BABAM2: variants seen among roughly 807,000 people sequenced by gnomAD.
The protein encoded by BABAM2 is BRISC and BRCA1-A complex member 2.
BABAM2 carries 31 observed loss-of-function variants against 54.7 expected under a neutral mutation model. The ratio of observed to expected loss-of-function variants is 0.57; its 90% CI spans 0.43 to 0.77. BABAM2 has a LOEUF of 0.77. BABAM2 is among the 30% of genes least tolerant of loss of function. BABAM2 has a pLI of 0.00. For synonymous variants in BABAM2, 167 were observed against 162.9 expected (o/e 1.03, Z -0.19); for missense variants, 364 against 455.8 (o/e 0.80, Z 1.83).
At position 28,027,824 on chromosome 2, in the gene BABAM2, A is replaced by C. The variant is rs540017103; in HGVS notation, c.495+2404A>C. On this transcript the variant is annotated intron_variant, in intron 5 of 11. Coordinates refer to ENST00000379624, the MANE Select transcript of BABAM2 (RefSeq NM_199191.3). ...TAAACATTGTTTTTTACATTGTTTAAACATTTTTTTAAAAAAGACTTGCAC... is the reference window on the plus strand; with the variant it reads ...TAAACATTGTTTTTTACATTGTTTACACATTTTTTTAAAAAAGACTTGCAC... 5.9e-5 allele frequency among the ~76,000 whole-genome samples: 9 copies of C among 152,306 alleles called. No homozygotes were observed. In the East Asian group the frequency reaches 1.7e-3, roughly 29 times the overall value.
intron 7 of BABAM2, among the ~76,000 whole-genome samples, chr2:28,200,759 TTTG>T (rs1401147459): frequency 5.4e-3 from 3 of 556 alleles, no homozygotes; most frequent in Middle Eastern, 0.5. Context: ...TATGGGGTTT[TTTG>T]TTTGTTTGTT....
In BABAM2 at chr2:27,912,216, C is replaced by T. The variant is rs562764071; in HGVS notation, c.128+17532C>T. ...TTATTTTAAGTCTGTCACTGATTTG[C>T]TTTTTGACCTACATTCGCAGACTCC... On this transcript the variant is annotated intron_variant, in intron 2 of 11. Coordinates refer to ENST00000379624, the MANE Select transcript of BABAM2 (RefSeq NM_199191.3). Among the ~76,000 whole-genome samples, 8 of 151,754 alleles carry T rather than the reference C, an allele frequency of 5.3e-5. No individual in the cohort carries two copies. In the South Asian group the frequency reaches 1.7e-3, roughly 32 times the overall value.
intron 10 of BABAM2, among the ~76,000 whole-genome samples, chr2:28,267,147 ACT>A (rs1205326133): frequency 6.6e-6 from 1 of 151,992 alleles, no homozygotes; most frequent in African/African-American, 2.4e-5. Context: ...CAAGAGTGAA[ACT>A]CTGTCTCCAA....
chr2:28,129,304 C>G lies in BABAM2; in HGVS notation c.604C>G (p.Leu202Val). The G allele has an allele frequency of 6.2e-7, 1 of 1,614,046 alleles. No homozygotes were observed. The highest frequency in any genetic ancestry group is 8.5e-7 in the Non-Finnish European group (1 of 1,179,960). The change falls in exon 7 of 12, where the codon CTC (leucine) becomes GTC (valine). Residue 202 changes from leucine to valine, a missense_variant. By Grantham distance (32) the Leu-to-Val change is conservative (BLOSUM62 1). Coordinates refer to ENST00000379624, the MANE Select transcript of BABAM2 (RefSeq NM_199191.3). ...VNEDPGEDVA[L>V]LSVSFEDTEA... ...TGAAGACCCTGGAGAAGATGTGGCC[C>G]TCCTCTCTGTTAGTTTTGAGGACAC...
At chr2:28,310,433 G>A (rs1202239290) in intron 11 of BABAM2, 1 of 340,288 alleles carries the variant, frequency 2.9e-6, no homozygotes, top group East Asian at 4.9e-5. Context: ...GTATTCCTTT[G>A]GTTCCACTGG....
chr2:28,109,580 T>C (rs1189513030), intron 6 of BABAM2, among the ~76,000 whole-genome samples: 1 of 152,168 alleles, frequency 6.6e-6, no homozygotes, highest in African/African-American at 2.4e-5. Flanking sequence ...TTTTTACCTT[T>C]AACATTTTCT....
At chr2:28,026,905 TAAATATATA>T (rs1675833859) in intron 5 of BABAM2, among the ~76,000 whole-genome samples, 5 of 54,494 alleles carry the variant, frequency 9.2e-5, no homozygotes, top group East Asian at 3.5e-4. Context: ...TAAATATATA[TAAATATATA>T]TTAATATATA....
At chr2:28,319,895 G>A (rs1689879264) in intron 11 of BABAM2, among the ~76,000 whole-genome samples, 1 of 151,584 alleles carries the variant, frequency 6.6e-6, no homozygotes, top group Non-Finnish European at 1.5e-5. Flanking sequence ...GCTCACGGTG[G>A]GGGAAGTGAC....
At chr2:28,256,159 T>C (rs1411892583) in intron 10 of BABAM2, among the ~76,000 whole-genome samples, 1 of 152,238 alleles carries the variant, frequency 6.6e-6, no homozygotes, top group Non-Finnish European at 1.5e-5. Context: ...TAATCAGATA[T>C]ATCATTTCTT....
intron 11 of BABAM2, among the ~76,000 whole-genome samples, chr2:28,299,834 C>A (rs781253409): frequency 1.3e-5 from 2 of 152,210 alleles, no homozygotes; most frequent in Non-Finnish European, 2.9e-5. Context: ...GCCTCCCCCT[C>A]CCAGAGAGAC....
intron 6 of BABAM2, among the ~76,000 whole-genome samples, chr2:28,124,649 T>G (rs532887413): frequency 1.3e-5 from 2 of 152,226 alleles, no homozygotes; most frequent in Non-Finnish European, 2.9e-5. Flanking sequence ...AATTTATTCA[T>G]TCAGCTAACA....
intron 6 of BABAM2, among the ~76,000 whole-genome samples, chr2:28,103,192 C>A (rs1023977295): frequency 6.6e-6 from 1 of 151,584 alleles, no homozygotes; most frequent in Non-Finnish European, 1.5e-5. Context: ...TCTAGTAAGG[C>A]CTTATAGCCA....
At chr2:27,949,434 C>A (rs943015717) in intron 3 of BABAM2, among the ~76,000 whole-genome samples, 1 of 150,858 alleles carries the variant, frequency 6.6e-6, no homozygotes, top group Middle Eastern at 3.4e-3. Context: ...CTTGGGAGGC[C>A]GAGGCAGGAG....
Position 28,237,399 on chromosome 2 carries a change from G to A in BABAM2, c.780+98G>A, listed in dbSNP as rs75803941. Reference sequence around the variant, plus strand: ...GTGCATGCTCCATCCTTCTCGGACCGACTGCTCAGTTTCAGCCTCCATCTG... The same window carrying A: ...GTGCATGCTCCATCCTTCTCGGACCAACTGCTCAGTTTCAGCCTCCATCTG... On this transcript the variant is annotated intron_variant, in intron 8 of 11. Transcript: ENST00000379624. 3.2e-3 allele frequency: 3,409 copies of A among 1,080,092 alleles called. 73 individuals carry two copies. In the African/African-American group the frequency reaches 0.046, roughly 15 times the overall value. The allele number at this position is 1,080,092 out of a possible 1,614,324, so 66.9% of individuals were successfully genotyped here. A position where few individuals can be genotyped will look rare whatever the true frequency, so the allele number is the denominator to read the frequency against.
intron 5 of BABAM2, among the ~76,000 whole-genome samples, chr2:28,035,047 C>T (rs1676565910): frequency 6.6e-6 from 1 of 152,060 alleles, no homozygotes; most frequent in South Asian, 2.1e-4. Flanking sequence ...GGGAAATACA[C>T]ACCAGAGTTT....
chr2:28,042,038 A>G (rs1677140480), intron 5 of BABAM2, among the ~76,000 whole-genome samples: 1 of 152,120 alleles, frequency 6.6e-6, no homozygotes, highest in Non-Finnish European at 1.5e-5. Context: ...GAGACTCAGG[A>G]TATATTTTGA....
intron 11 of BABAM2, among the ~76,000 whole-genome samples, chr2:28,302,134 G>A (rs1688157929): frequency 6.6e-6 from 1 of 151,920 alleles, no homozygotes; most frequent in Non-Finnish European, 1.5e-5. Flanking sequence ...AGCTGTTATG[G>A]TGGCCGGGAG....
intron 6 of BABAM2, among the ~76,000 whole-genome samples, chr2:28,072,627 C>T (rs1156880202): frequency 2.0e-5 from 3 of 152,092 alleles, no homozygotes; most frequent in Non-Finnish European, 2.9e-5. Context: ...CCTTGTGATC[C>T]GCCCGCCTCA....
intron 7 of BABAM2, among the ~76,000 whole-genome samples, chr2:28,145,342 C>G (rs1350737717): frequency 1.3e-5 from 2 of 152,212 alleles, no homozygotes; most frequent in East Asian, 3.8e-4. Flanking sequence ...CCAGCCTCCC[C>G]TTGCCTGACT....
Sources: allele counts gnomAD v4.1 joint callset (sites outside exome capture counted in the v4.1 genomes callset), GRCh38; gene constraint gnomAD v4.1.1; transcripts MANE v1.5; gene names NCBI Gene and HGNC (gene_info 2026-07-23, HGNC 2026-07-21).